Variants in GGH observed in about 807,000 individuals in gnomAD.
The protein encoded by GGH is gamma-Glu-X carboxypeptidase.
GGH carries 18 observed loss-of-function variants against 39.2 expected under a neutral mutation model. That is an observed-to-expected ratio of 0.46 (90% CI 0.32 to 0.68). The LOEUF is 0.68. GGH is among the 30% of genes least tolerant of loss of function. The pLI is 0.04. For missense variants in GGH, 367 were observed against 384.1 expected (o/e 0.96, Z 0.37); for synonymous variants, 147 against 138.8 (o/e 1.06, Z -0.42).
chr8:63,016,748 C>T (rs2129639551), intron 8 of GGH, among the ~76,000 whole-genome samples: 1 of 152,258 alleles, frequency 6.6e-6, no homozygotes, highest in African/African-American at 2.4e-5. Flanking sequence ...TAATGCTCAA[C>T]TAAGAAATAG....
chr8:63,017,669 T>C, intron 7 of GGH, 39 bp from the exon 8 acceptor site: 1 of 1,257,036 alleles, frequency 8.0e-7, no homozygotes, highest in South Asian at 1.3e-5. Flanking sequence ...CTAAGAATGG[T>C]TTAAAATGTT....
chr8:63,017,883 T>A (rs1471045798), intron 7 of GGH: 4 of 347,354 alleles, frequency 1.2e-5, no homozygotes, highest in Admixed American at 4.7e-5. Context: ...CATAGCAAAG[T>A]AGAAGCTGAG....
intron 8 of GGH, among the ~76,000 whole-genome samples, chr8:63,016,662 G>A (rs1309608942): frequency 2.0e-5 from 3 of 152,120 alleles, no homozygotes; most frequent in Admixed American, 6.5e-5. Flanking sequence ...ATAATGAAAC[G>A]ACTTCAAAGT....
At chr8:63,036,413 T>C (rs1804910089) in intron 1 of GGH, among the ~76,000 whole-genome samples, 1 of 152,156 alleles carries the variant, frequency 6.6e-6, no homozygotes, top group Admixed American at 6.6e-5. Flanking sequence ...GACACATGAC[T>C]ATGAGTGAAC....
Position 63,034,331 on chromosome 8 carries a change from T to C in GGH, c.224+1325A>G, listed in dbSNP as rs190768554. 3.2e-3 allele frequency among the ~76,000 whole-genome samples: 480 copies of C among 152,258 alleles called. 5 individuals carry two copies. The highest frequency in any genetic ancestry group is 0.024 in the Admixed American group (365 of 15,286). ...AAAGATCATACAAGAAGACAATTCT[T>C]ATAAATCTAAACCTAAAGCCATTTT... On this transcript the variant is annotated intron_variant, in intron 2 of 8. Transcript: ENST00000260118.
chr8:63,018,625 TCCC>T (rs777670100), intron 7 of GGH, among the ~76,000 whole-genome samples: 2 of 152,084 alleles, frequency 1.3e-5, no homozygotes, highest in African/African-American at 2.4e-5. Flanking sequence ...GCTCCCTGCC[TCCC>T]CCACTTCCGT....
intron 7 of GGH, among the ~76,000 whole-genome samples, chr8:63,022,714 G>A (rs1804614587): frequency 6.6e-6 from 1 of 150,618 alleles, no homozygotes; most frequent in Non-Finnish European, 1.5e-5. Flanking sequence ...TTTCAGTAGA[G>A]ATGGGGTTTC....
chr8:63,021,284 T>C (rs72658362), intron 7 of GGH, among the ~76,000 whole-genome samples: 18,969 of 152,224 alleles, frequency 0.12, 1,387 homozygotes, highest in East Asian at 0.34. Flanking sequence ...TACTGGACTT[T>C]TGAGTTGTTT....
At chr8:63,028,372 T>A (rs1293344771) in intron 3 of GGH, 1 of 152,122 alleles carries the variant, frequency 6.6e-6, no homozygotes, top group African/African-American at 2.4e-5. Context: ...GACATTAACT[T>A]AGTATTTAAA....
At chr8:63,019,701 A>T (rs1425464127) in intron 7 of GGH, among the ~76,000 whole-genome samples, 2 of 152,232 alleles carry the variant, frequency 1.3e-5, no homozygotes, top group South Asian at 4.1e-4. Context: ...AGTCAGCCAA[A>T]GCTTTAGCAG....
chr8:63,027,858 A>G (rs2129662167), intron 3 of GGH, among the ~76,000 whole-genome samples: 1 of 152,288 alleles, frequency 6.6e-6, no homozygotes, highest in East Asian at 1.9e-4. Context: ...AAAAGAAGGC[A>G]GTCAAAAATA....
At chr8:63,022,429 G>A (rs11995525) in intron 7 of GGH, among the ~76,000 whole-genome samples, 43,010 of 151,758 alleles carry the variant, frequency 0.28, 6,308 homozygotes, top group South Asian at 0.37. Flanking sequence ...ACATTTACAT[G>A]TCTGGGTATG....
chr8:63,022,063 G>T (rs1286939253), intron 7 of GGH, among the ~76,000 whole-genome samples: 2 of 151,864 alleles, frequency 1.3e-5, no homozygotes, highest in African/African-American at 4.8e-5. Flanking sequence ...TCAGTTATAT[G>T]CATTACAAAT....
chr8:63,017,696 GTTTA>G (rs1804512763), intron 7 of GGH, 66 bp from the exon 8 acceptor site: 2 of 953,820 alleles, frequency 2.1e-6, no homozygotes, highest in Admixed American at 2.7e-5. Context: ...AATGAAATTG[GTTTA>G]TTTCTTATGT....
chr8:63,025,905 A>G (rs1399605920), intron 5 of GGH, among the ~76,000 whole-genome samples: 6 of 152,162 alleles, frequency 3.9e-5, no homozygotes, highest in Admixed American at 2.0e-4. Flanking sequence ...CATCACACAC[A>G]GTCCTGATAT....
At chr8:63,031,405 G>A (rs982890040) in intron 2 of GGH, among the ~76,000 whole-genome samples, 2 of 152,224 alleles carry the variant, frequency 1.3e-5, no homozygotes, top group African/African-American at 4.8e-5. Flanking sequence ...GGAAGTGATA[G>A]GGAGGTGAAA....
chr8:63,034,469 G>C (rs1804863941), intron 2 of GGH, among the ~76,000 whole-genome samples: 1 of 152,116 alleles, frequency 6.6e-6, no homozygotes, highest in South Asian at 2.1e-4. Context: ...AGGCTGTACA[G>C]AATAAATAGT....
chr8:63,026,374 C>T (rs1328087783), intron 4 of GGH, 78 bp from the exon 5 acceptor site: 2 of 1,063,576 alleles, frequency 1.9e-6, no homozygotes, highest in Admixed American at 2.3e-5. Context: ...TTTGTCATAA[C>T]CAAATAGGCA....
chr8:63,037,379 G>A (rs1804932135), intron 1 of GGH, among the ~76,000 whole-genome samples: 1 of 152,080 alleles, frequency 6.6e-6, no homozygotes, highest in South Asian at 2.1e-4. Flanking sequence ...AGAAAGAGAA[G>A]TACATCAGAG....
Sources: gnomAD v4.1 joint callset for allele counts (sites outside exome capture counted in the v4.1 genomes callset) on GRCh38, gnomAD v4.1.1 for gene constraint, MANE v1.5 for transcripts, NCBI Gene and HGNC (gene_info 2026-07-23, HGNC 2026-07-21) for gene names.